Variants in HAPLN3 observed in about 807,000 individuals in gnomAD.
The protein encoded by HAPLN3 is extracellular link domain containing, 1.
A neutral mutation model predicts 28.1 loss-of-function variants in HAPLN3; 28 were observed. The observed-to-expected ratio is 1.00, with a 90% CI of 0.74 to 1.37. The LOEUF (loss-of-function observed/expected upper bound fraction) is 1.37, where lower values mean the gene tolerates loss of function less well. HAPLN3 is among the 40% of genes most tolerant of loss of function. The pLI is 0.00. For missense variants in HAPLN3, 513 were observed against 504.6 expected (o/e 1.02, Z -0.16); for synonymous variants, 211 against 213.1 (o/e 0.99, Z 0.09).
intron 1 of HAPLN3, among the ~76,000 whole-genome samples, chr15:88,890,274 A>G (rs1897977647): frequency 6.6e-6 from 1 of 152,170 alleles, no homozygotes; most frequent in South Asian, 2.1e-4. Context: ...TGCAGCCAGG[A>G]CACTACCAAC....
At position 88,885,202 on chromosome 15, in the gene HAPLN3, C is replaced by T. The variant is rs199511640; in HGVS notation, c.124+1973G>A. 5.3e-5 allele frequency among the ~76,000 whole-genome samples: 8 copies of T among 152,352 alleles called. No homozygotes were observed. The East Asian group carries it at 1.5e-3, about 29-fold the overall frequency. The stretch of plus-strand genomic sequence containing the variant: ...TGTCGTCTCTGAACCAGGCTGTGCG[C>T]TCTTCATGGCAGGTGCTGGCTATTA... On this transcript the variant is annotated intron_variant, in intron 2 of 4. Transcript: ENST00000359595.
rs1166668848 is a variant in HAPLN3 at position 88,881,652 on chromosome 15, C to T, written c.198G>A (p.Val66=). The T allele has an allele frequency of 6.2e-7, 1 of 1,613,660 alleles. No homozygotes were observed. The highest frequency in any genetic ancestry group is 8.5e-7 in the Non-Finnish European group (1 of 1,180,026). Residue 66 remains valine, a synonymous_variant, in exon 3 of 5, where the codon GTG becomes GTA. Coordinates refer to ENST00000359595, the MANE Select transcript of HAPLN3 (RefSeq NM_178232.4). This position sits in a 1 kb window ranked among gnomAD's most constrained non-coding sequence, Gnocchi z 6.0. ...CGTAGCGGTAGCGGCAGGGCAGGAT[C>T]ACACTGGCCCCTTGGTAGGTGAACA... ...ETLFTYQGAS[V]ILPCRYRYEP... is the part of the protein sequence containing the mutation.
Position 88,879,385 on chromosome 15 carries a change from C to A in HAPLN3, c.494-116G>T, listed in dbSNP as rs138116024. On this transcript the variant is annotated intron_variant, in intron 3 of 4. Coordinates refer to ENST00000359595, the MANE Select transcript of HAPLN3 (RefSeq NM_178232.4). The surrounding 1 kb of genome is among the most constrained non-coding windows in gnomAD (Gnocchi z 5.0). ...GCTGCCTGCAACACACACACATACA[C>A]CATCCCTCAGAAAAACTCAGCAAAC... 2.6e-6 allele frequency: 4 copies of A among 1,554,406 alleles called. No homozygotes were observed. In the Admixed American group the frequency reaches 7.6e-5, roughly 30 times the overall value.
chr15:88,894,247 C>A (rs1035638777), intron 1 of HAPLN3, among the ~76,000 whole-genome samples: 16 of 152,212 alleles, frequency 1.1e-4, no homozygotes, highest in Admixed American at 1.0e-3. Flanking sequence ...AAGGCGTTAT[C>A]TTTGTCAAAT....
chr15:88,884,662 A>G (rs1897797720), intron 2 of HAPLN3, among the ~76,000 whole-genome samples: 2 of 152,246 alleles, frequency 1.3e-5, no homozygotes, highest in Admixed American at 1.3e-4. Context: ...AAAATACCCT[A>G]AATCCTAATT....
At chr15:88,878,295 G>A (rs781560965) in intron 4 of HAPLN3, 39 bp from the exon 5 acceptor site, 3 of 1,565,290 alleles carry the variant, frequency 1.9e-6, no homozygotes, top group East Asian at 2.3e-5. Flanking sequence ...CAGCGCAGGG[G>A]GCAGCCAGAG....
chr15:88,880,325 T>C lies in HAPLN3; in HGVS notation c.493+1032A>G, dbSNP rs1035470702. ...CCACCCCAACTTCAAGAATGAGGAA[T>C]GCGGCCCCTCTGAGCCACCATGTAA... On this transcript the variant is annotated intron_variant, in intron 3 of 4. Transcript: ENST00000359595. The surrounding 1 kb of genome is among the most constrained non-coding windows in gnomAD (Gnocchi z 6.0). 1.0e-5 allele frequency: 11 copies of C among 1,071,302 alleles called. No homozygotes were observed. The Admixed American group carries it at 1.5e-4, about 15-fold the overall frequency. The allele number at this position is 1,071,302 out of a possible 1,614,324, so 66.4% of individuals were successfully genotyped here. A position where few individuals can be genotyped will look rare whatever the true frequency, so the allele number is the denominator to read the frequency against.
At chr15:88,885,318 C>G (rs1897820239) in intron 2 of HAPLN3, among the ~76,000 whole-genome samples, 1 of 152,216 alleles carries the variant, frequency 6.6e-6, no homozygotes. Context: ...CTCTGTCACC[C>G]AGGCTGGAGT....
intron 2 of HAPLN3, 39 bp downstream of exon 2, chr15:88,887,136 C>T (rs758817807): frequency 6.2e-6 from 10 of 1,612,420 alleles, no homozygotes; most frequent in Non-Finnish European, 5.9e-6. Context: ...GTCTAGGTCA[C>T]CCAGGGGAGC....
At chr15:88,886,036 T>C (rs916998445) in intron 2 of HAPLN3, among the ~76,000 whole-genome samples, 2 of 152,248 alleles carry the variant, frequency 1.3e-5, no homozygotes, top group African/African-American at 4.8e-5. Context: ...TCAGCACCCG[T>C]GCTGCACTAA....
At chr15:88,893,101 C>G in intron 1 of HAPLN3, 1 of 817,334 alleles carries the variant, frequency 1.2e-6, no homozygotes, top group South Asian at 1.4e-5. Flanking sequence ...CTCTGTGCCT[C>G]CATTTCCTCA....
intron 4 of HAPLN3, 90 bp from the exon 5 acceptor site, chr15:88,878,346 G>C (rs748145114): frequency 1.5e-5 from 18 of 1,239,386 alleles, no homozygotes; most frequent in Non-Finnish European, 2.0e-5. Context: ...CCAAAGACCC[G>C]TCTGAGCCCA....
chr15:88,883,171 C>A (rs776179088), intron 2 of HAPLN3, among the ~76,000 whole-genome samples: 19 of 152,222 alleles, frequency 1.2e-4, no homozygotes, highest in Non-Finnish European at 2.5e-4. Context: ...CCAAGTGTGG[C>A]CCTCGGGCCA....
rs759420678 is a variant in HAPLN3, at chr15:88,877,956, G to T, written c.*14C>A. On this transcript the variant is annotated 3_prime_UTR_variant, in exon 5 of 5. Transcript: ENST00000359595. The surrounding 1 kb of genome is among the most constrained non-coding windows in gnomAD (Gnocchi z 5.1). Reference sequence around the variant, plus strand: ...CAGCCAGTGAGGGAATGCGGCAGGGGAGGGCCCCAGGTCCTAGTGCTGGCG... The same window carrying T: ...CAGCCAGTGAGGGAATGCGGCAGGGTAGGGCCCCAGGTCCTAGTGCTGGCG... 1 of 1,574,602 alleles carries T rather than the reference G, an allele frequency of 6.4e-7. No individual in the cohort carries two copies. The highest frequency in any genetic ancestry group is 8.6e-7 in the Non-Finnish European group (1 of 1,159,498).
Position 88,879,626 on chromosome 15 carries a change from C to T in HAPLN3, c.494-357G>A. 1 of 1,259,298 alleles carries T rather than the reference C, an allele frequency of 7.9e-7. No individual in the cohort carries two copies. The highest frequency in any genetic ancestry group is 3.0e-5 in the Admixed American group (1 of 33,892). 78.0% of individuals were successfully genotyped at this position (1,259,298 alleles called of 1,614,324 possible). ...TTTGGGCTCTAGGGGCCAGGTTTGA[C>T]TCCCAGCTCCCCACTCGTTAGCTGG... On this transcript the variant is annotated intron_variant, in intron 3 of 4. Coordinates refer to ENST00000359595, the MANE Select transcript of HAPLN3 (RefSeq NM_178232.4). The surrounding 1 kb of genome is among the most constrained non-coding windows in gnomAD (Gnocchi z 5.0).
Position 88,880,627 on chromosome 15 carries a change from TAAATACAAATTA to T in HAPLN3, c.493+718_493+729del. Reference sequence around the variant, plus strand: ...AGCCCCATCCTAGAGACAGAGAAGGTAAATACAAATTAAAGATCAAACAGGGACCCCACATAC... The same window carrying T: ...AGCCCCATCCTAGAGACAGAGAAGGTAAGATCAAACAGGGACCCCACATAC... On this transcript the variant is annotated intron_variant, in intron 3 of 4. Coordinates refer to ENST00000359595, the MANE Select transcript of HAPLN3 (RefSeq NM_178232.4). This position sits in a 1 kb window ranked among gnomAD's most constrained non-coding sequence, Gnocchi z 6.0. 2 of 1,286,876 alleles carry T rather than the reference TAAATACAAATTA, an allele frequency of 1.6e-6. No individual in the cohort carries two copies. Among genetic ancestry groups the T allele is most frequent in the Non-Finnish European group, 2.0e-6 (2 of 987,022 alleles). 79.7% of individuals were successfully genotyped at this position (1,286,876 alleles called of 1,614,324 possible).
intron 2 of HAPLN3, among the ~76,000 whole-genome samples, chr15:88,883,119 A>T (rs1304944833): frequency 6.6e-6 from 1 of 152,280 alleles, no homozygotes; most frequent in African/African-American, 2.4e-5. Flanking sequence ...GTGCTAAAAA[A>T]GAGCTATACC....
In HAPLN3 at chr15:88,881,873, C is replaced by A; in HGVS notation, c.125-148G>T. 1 of 733,076 alleles carries A rather than the reference C, an allele frequency of 1.4e-6. No homozygotes were observed. 45.4% of individuals were successfully genotyped at this position (733,076 alleles called of 1,614,324 possible). A position where few individuals can be genotyped will look rare whatever the true frequency, so the allele number is the denominator to read the frequency against. ...CCACCCCTCCCTGTATCCACATGCT[C>A]TGCAATGTGACTTTGCATCTCCTTC... On this transcript the variant is annotated intron_variant, in intron 2 of 4. Transcript: ENST00000359595. The surrounding 1 kb of genome is among the most constrained non-coding windows in gnomAD (Gnocchi z 6.0).
chr15:88,893,003 T>G, intron 1 of HAPLN3: 1 of 1,534,850 alleles, frequency 6.5e-7, no homozygotes, highest in Non-Finnish European at 8.7e-7. Flanking sequence ...CCAAATCTTC[T>G]GGAGTCCTGT....
Sources: gnomAD v4.1 joint callset for allele counts (sites outside exome capture counted in the v4.1 genomes callset) on GRCh38, gnomAD v4.1.1 for gene constraint, Gnocchi (gnomAD v3.1) non-coding constraint, MANE v1.5 for transcripts, NCBI Gene and HGNC (gene_info 2026-07-23, HGNC 2026-07-21) for gene names.